MCC: variants seen among roughly 807,000 people sequenced by gnomAD.
The protein encoded by MCC is colorectal mutant cancer protein.
In MCC, 90 loss-of-function variants were observed where a neutral mutation model predicts 116.2. That is an observed-to-expected ratio of 0.77 (90% CI 0.65 to 0.92). The LOEUF is 0.92. MCC is among the 40% of genes least tolerant of loss of function. The probability of loss-of-function intolerance (pLI) is 0.00; values close to 1 mark genes in which losing one functional copy is unlikely to be tolerated. For synonymous variants in MCC, 578 were observed against 510.5 expected, an observed-to-expected ratio of 1.13 and a Z score of -1.78; for missense variants, 1,516 against 1,312.2, an observed-to-expected ratio of 1.16 and a Z score of -2.40.
chr5:113,346,612 A>G (rs1368989251), intron 2 of MCC, among the ~76,000 whole-genome samples: 2 of 127,428 alleles, frequency 1.6e-5, no homozygotes, highest in African/African-American at 5.3e-5. Flanking sequence ...AAAAACAAAC[A>G]AACAACAACA....
In MCC at chr5:113,026,089, T is replaced by G. The variant is rs1750530094; in HGVS notation, c.*1213A>C. 6.6e-6 allele frequency: 1 copy of G among 152,258 alleles called. No homozygotes were observed. The highest frequency in any genetic ancestry group is 6.5e-5 in the Admixed American group (1 of 15,286). The allele number at this position is 152,258 out of a possible 1,614,324, so 9.4% of individuals were successfully genotyped here. A position where few individuals can be genotyped will look rare whatever the true frequency, so the allele number is the denominator to read the frequency against. ...TGAATTTGTTTTAAGATTGAAGACC[T>G]TCCTGAAATAATTCAGTTACTTTGG... On this transcript the variant is annotated 3_prime_UTR_variant, in exon 19 of 19. Coordinates refer to ENST00000408903, the MANE Select transcript of MCC (RefSeq NM_001085377.2).
intron 3 of MCC, among the ~76,000 whole-genome samples, chr5:113,312,258 C>T (rs907473142): frequency 7.9e-5 from 12 of 151,036 alleles, no homozygotes; most frequent in Non-Finnish European, 1.3e-4. Flanking sequence ...GTCTGGGCAA[C>T]AAAGCAGAAC....
chr5:113,148,211 C>T (rs1475554702), intron 4 of MCC, among the ~76,000 whole-genome samples: 1 of 152,214 alleles, frequency 6.6e-6, no homozygotes, highest in Non-Finnish European at 1.5e-5. Flanking sequence ...ATGTCTGTGC[C>T]CGTATTCAAT....
chr5:113,215,830 T>C (rs962996269), intron 3 of MCC, among the ~76,000 whole-genome samples: 1 of 151,970 alleles, frequency 6.6e-6, no homozygotes, highest in African/African-American at 2.4e-5. Flanking sequence ...TCAGTTACTA[T>C]CTCCAGGCCA....
chr5:113,342,204 T>C (rs569473873), intron 2 of MCC, among the ~76,000 whole-genome samples: 1 of 152,246 alleles, frequency 6.6e-6, no homozygotes, highest in African/African-American at 2.4e-5. Flanking sequence ...TATTTCATGA[T>C]GTATATATAC....
chr5:113,303,305 G>A (rs975562551), intron 3 of MCC, among the ~76,000 whole-genome samples: 1 of 152,204 alleles, frequency 6.6e-6, no homozygotes, highest in Non-Finnish European at 1.5e-5. Flanking sequence ...GAGTAATAAT[G>A]CAGTCCCAGG....
intron 3 of MCC, among the ~76,000 whole-genome samples, chr5:113,207,977 A>C (rs1762979822): frequency 6.6e-6 from 1 of 152,094 alleles, no homozygotes; most frequent in Non-Finnish European, 1.5e-5. Flanking sequence ...AAAAGAGGGA[A>C]ATTATCCAGC....
At chr5:113,109,481 C>T (rs974557571) in intron 6 of MCC, among the ~76,000 whole-genome samples, 2 of 151,728 alleles carry the variant, frequency 1.3e-5, no homozygotes, top group African/African-American at 4.9e-5. Flanking sequence ...TAAAGTTTAC[C>T]GGGGTGGGGG....
chr5:113,135,755 T>C (rs1758781265), intron 5 of MCC, among the ~76,000 whole-genome samples: 1 of 151,818 alleles, frequency 6.6e-6, no homozygotes, highest in Admixed American at 6.6e-5. Flanking sequence ...TATAAAATGA[T>C]AGGAGAGGCT....
At chr5:113,487,665 G>C (rs564329619) in intron 1 of MCC, among the ~76,000 whole-genome samples, 1 of 152,378 alleles carries the variant, frequency 6.6e-6, no homozygotes, top group Non-Finnish European at 1.5e-5. Flanking sequence ...GTTCCTCTCA[G>C]GCTACTGCGT....
At chr5:113,046,699 A>AC in intron 16 of MCC, among the ~76,000 whole-genome samples, 3 of 144,048 alleles carry the variant, frequency 2.1e-5, no homozygotes, top group Non-Finnish European at 3.1e-5. Context: ...AAAAAAAAAA[A>AC]AAAAAAAAAA....
At chr5:113,138,753 A>G (rs1319116756) in intron 5 of MCC, among the ~76,000 whole-genome samples, 1 of 152,178 alleles carries the variant, frequency 6.6e-6, no homozygotes, top group East Asian at 1.9e-4. Flanking sequence ...TTCAATGTCT[A>G]GTAATCTACC....
intron 6 of MCC, among the ~76,000 whole-genome samples, chr5:113,119,623 G>A (rs981231954): frequency 2.6e-5 from 4 of 152,148 alleles, no homozygotes; most frequent in African/African-American, 4.8e-5. Flanking sequence ...TTGAGGGTGG[G>A]AGCACAATGA....
chr5:113,046,710 A>AAAAAAAAAAAAAAAAAAAAAAAG lies in MCC; in HGVS notation c.2655+2382_2655+2383insCTTTTTTTTTTTTTTTTTTTTTT. Among the ~76,000 whole-genome samples the AAAAAAAAAAAAAAAAAAAAAAAG allele has an allele frequency of 3.6e-3, 370 of 102,448 alleles. 72 individuals are homozygous for AAAAAAAAAAAAAAAAAAAAAAAG. The highest frequency in any genetic ancestry group is 0.012 in the Middle Eastern group (2 of 168). The allele number at this position is 102,448 out of a possible 152,430, so 67.2% of individuals were successfully genotyped here. A position where few individuals can be genotyped will look rare whatever the true frequency, so the allele number is the denominator to read the frequency against. ...CAAAAAAAAAAAAAAAAAAAAAAAA[A>AAAAAAAAAAAAAAAAAAAAAAAG]AGAGAGAGATTTTGAAGGTGTTTGT... On this transcript the variant is annotated intron_variant, in intron 16 of 18. Coordinates refer to ENST00000408903, the MANE Select transcript of MCC (RefSeq NM_001085377.2).
intron 16 of MCC, among the ~76,000 whole-genome samples, chr5:113,048,005 G>C (rs1368032682): frequency 2.0e-5 from 3 of 152,194 alleles, no homozygotes; most frequent in African/African-American, 7.2e-5. Flanking sequence ...AACGCCAGCA[G>C]GAAGGAGTCA....
chr5:113,066,323 G>C (rs1333831248), intron 13 of MCC, among the ~76,000 whole-genome samples: 1 of 151,918 alleles, frequency 6.6e-6, no homozygotes, highest in Non-Finnish European at 1.5e-5. Flanking sequence ...TTCTTAATAC[G>C]TATATTAATT....
At chr5:113,166,159 T>C (rs1760756709) in intron 3 of MCC, among the ~76,000 whole-genome samples, 1 of 152,172 alleles carries the variant, frequency 6.6e-6, no homozygotes, top group South Asian at 2.1e-4. Context: ...AAAGCTGCCT[T>C]ATTTTGTTTC....
rs146013656 is a variant in MCC, at chr5:113,067,597, T to C, written c.2029+483A>G. On this transcript the variant is annotated intron_variant, in intron 13 of 18. Transcript: ENST00000408903. Reference sequence around the variant, plus strand: ...GTTGCAGTGAGCCAAGATTGCACCATTGCACTCCAGCCTGGGCAACAAGAG... The same window carrying C: ...GTTGCAGTGAGCCAAGATTGCACCACTGCACTCCAGCCTGGGCAACAAGAG... Among the ~76,000 whole-genome samples the C allele has an allele frequency of 5.8e-3, 877 of 152,226 alleles. 16 individuals are homozygous for C. The highest frequency in any genetic ancestry group is 0.02 in the African/African-American group (839 of 41,540).
intron 3 of MCC, among the ~76,000 whole-genome samples, chr5:113,333,679 T>A (rs919492405): frequency 1.3e-5 from 2 of 149,264 alleles, no homozygotes; most frequent in Non-Finnish European, 3.0e-5. Flanking sequence ...TACAGCTTCA[T>A]CATTTGAAAT....
Sources: gnomAD v4.1 joint callset for allele counts (sites outside exome capture counted in the v4.1 genomes callset) on GRCh38, gnomAD v4.1.1 for gene constraint, MANE v1.5 for transcripts, NCBI Gene and HGNC (gene_info 2026-07-23, HGNC 2026-07-21) for gene names.